SNX29: variants seen among roughly 807,000 people sequenced by gnomAD.
The protein encoded by SNX29 is sorting nexin-29.
In SNX29, 78 loss-of-function variants were observed where a neutral mutation model predicts 102.1. The observed-to-expected ratio is 0.76, with a 90% CI of 0.64 to 0.92. The LOEUF is 0.92. SNX29 is among the 40% of genes least tolerant of loss of function. The probability of loss-of-function intolerance (pLI) is 0.00; values close to 1 mark genes in which losing one functional copy is unlikely to be tolerated. For synonymous variants in SNX29, 580 were observed against 414.5 expected (o/e 1.40, Z -4.85); for missense variants, 1,280 against 1,061.7 (o/e 1.21, Z -2.86).
chr16:12,087,551 C>G (rs1227308917), intron 11 of SNX29: 2 of 321,000 alleles, frequency 6.2e-6, no homozygotes, highest in Non-Finnish European at 1.2e-5. Context: ...GAGCAGTGAT[C>G]ATGACACTGT....
At chr16:12,167,644 C>A (rs1055875688) in intron 13 of SNX29, among the ~76,000 whole-genome samples, 1 of 152,126 alleles carries the variant, frequency 6.6e-6, no homozygotes, top group Non-Finnish European at 1.5e-5. Flanking sequence ...TTCAGACATT[C>A]TTTTAATCCT....
chr16:12,389,464 G>GC (rs2083448565), intron 16 of SNX29, among the ~76,000 whole-genome samples: 3 of 152,074 alleles, frequency 2.0e-5, no homozygotes, highest in Admixed American at 2.0e-4. Context: ...TCATTCTCCT[G>GC]CCTGCCACCA....
At chr16:12,337,742 G>A (rs76837183) in intron 15 of SNX29, among the ~76,000 whole-genome samples, 3,698 of 152,310 alleles carry the variant, frequency 0.024, 83 homozygotes, top group East Asian at 0.13. Context: ...CGGTGATGGC[G>A]TGGTTTCCCT....
intron 14 of SNX29, among the ~76,000 whole-genome samples, chr16:12,208,167 C>T (rs147545385): frequency 6.6e-6 from 1 of 152,342 alleles, no homozygotes; most frequent in African/African-American, 2.4e-5. Flanking sequence ...ACTCTGCTCA[C>T]ATTCCATGGG....
intron 12 of SNX29, among the ~76,000 whole-genome samples, chr16:12,127,424 CT>C (rs71139577): frequency 0.66 from 85,388 of 128,500 alleles, 28,984 homozygotes; most frequent in East Asian, 0.89. Flanking sequence ...CCTAGGCAGT[CT>C]TTTTTTTTTT....
intron 4 of SNX29, among the ~76,000 whole-genome samples, chr16:12,039,423 A>C (rs1284693775): frequency 1.3e-5 from 2 of 152,200 alleles, no homozygotes; most frequent in Non-Finnish European, 2.9e-5. Context: ...GAAGCCCCTT[A>C]GGGACGAGTT....
intron 18 of SNX29, among the ~76,000 whole-genome samples, chr16:12,472,698 C>CA (rs2087416281): frequency 2.0e-5 from 3 of 152,088 alleles, no homozygotes; most frequent in Non-Finnish European, 4.4e-5. Flanking sequence ...TCCTTGAGAC[C>CA]TTATCTCTAC....
chr16:12,179,218 G>A (rs1369222792), intron 13 of SNX29, among the ~76,000 whole-genome samples: 1 of 152,216 alleles, frequency 6.6e-6, no homozygotes. Flanking sequence ...GGGCACAGTT[G>A]CTCACACCTG....
chr16:12,025,302 CAAAAAAAAAAA>C (rs35724715), intron 3 of SNX29, among the ~76,000 whole-genome samples: 1 of 60,596 alleles, frequency 1.7e-5, no homozygotes, highest in South Asian at 8.0e-4. Context: ...AACTCCATCT[CAAAAAAAAAAA>C]AAAAAAAAAA....
intron 19 of SNX29, among the ~76,000 whole-genome samples, chr16:12,499,620 C>A (rs138486703): frequency 2.6e-5 from 4 of 152,276 alleles, no homozygotes; most frequent in Non-Finnish European, 5.9e-5. Context: ...AGACCACACC[C>A]CAGACCCGGT....
intron 13 of SNX29, among the ~76,000 whole-genome samples, chr16:12,193,482 A>AAAAG (rs3041092): frequency 6.6e-6 from 1 of 150,682 alleles, no homozygotes; most frequent in African/African-American, 2.4e-5. Flanking sequence ...AAAAAAAAAA[A>AAAAG]GAAAAAGTCT....
intron 20 of SNX29, among the ~76,000 whole-genome samples, chr16:12,531,935 A>G (rs1033295779): frequency 4.6e-5 from 7 of 152,190 alleles, no homozygotes; most frequent in African/African-American, 1.4e-4. Context: ...AAGAGGTCGG[A>G]GAGTGTGTTA....
intron 3 of SNX29, among the ~76,000 whole-genome samples, chr16:12,014,747 AAAAG>A (rs1490995524): frequency 5.9e-5 from 9 of 151,502 alleles, no homozygotes; most frequent in Admixed American, 6.6e-5. Flanking sequence ...AAAAAAAAAA[AAAAG>A]AAAAGAAAAA....
chr16:12,545,786 C>T (rs533694293), intron 20 of SNX29, among the ~76,000 whole-genome samples: 30 of 152,070 alleles, frequency 2.0e-4, no homozygotes, highest in Non-Finnish European at 4.1e-4. Context: ...GTACCTTTCA[C>T]CACTAGGCAT....
chr16:12,573,223 C>T lies in SNX29; in HGVS notation c.*4594C>T, dbSNP rs1041534914. ...TCTAGGCAGACCGGATCCCGCAGTTCATCCCATGGTTGTTGAAATGTACCT... is the reference window on the plus strand; with the variant it reads ...TCTAGGCAGACCGGATCCCGCAGTTTATCCCATGGTTGTTGAAATGTACCT... On this transcript the variant is annotated 3_prime_UTR_variant, in exon 21 of 21. Coordinates refer to ENST00000566228, the MANE Select transcript of SNX29 (RefSeq NM_032167.5). 3.5e-5 allele frequency: 8 copies of T among 226,540 alleles called. No individual in the cohort carries two copies. The highest frequency in any genetic ancestry group is 1.3e-4 in the African/African-American group (6 of 44,962). 14.0% of individuals were successfully genotyped at this position (226,540 alleles called of 1,614,324 possible).
chr16:12,356,014 T>G, intron 15 of SNX29, 149 bp from the exon 16 acceptor site: 1 of 658,666 alleles, frequency 1.5e-6, no homozygotes, highest in Non-Finnish European at 2.7e-6. Flanking sequence ...GATTGCATGG[T>G]TCACAGGTAA....
intron 20 of SNX29, chr16:12,546,541 G>A (rs751515940): frequency 1.3e-5 from 2 of 152,162 alleles, no homozygotes; most frequent in African/African-American, 2.4e-5. Context: ...TCCCTCCCAT[G>A]ATACATGGGA....
At chr16:12,461,334 T>A (rs2086767685) in intron 18 of SNX29, among the ~76,000 whole-genome samples, 1 of 152,160 alleles carries the variant, frequency 6.6e-6, no homozygotes, top group African/African-American at 2.4e-5. Flanking sequence ...CTGGGCTGAC[T>A]TGGAAGGAAT....
chr16:12,356,435 A>G (rs2082139451), intron 16 of SNX29, among the ~76,000 whole-genome samples, 156 bp downstream of exon 16: 1 of 152,144 alleles, frequency 6.6e-6, no homozygotes, highest in African/African-American at 2.4e-5. Context: ...TTTTATGGGG[A>G]GGGGGTAGAA....
Sources: allele counts gnomAD v4.1 joint callset (sites outside exome capture counted in the v4.1 genomes callset), GRCh38; gene constraint gnomAD v4.1.1; transcripts MANE v1.5; gene names NCBI Gene and HGNC (gene_info 2026-07-23, HGNC 2026-07-21).